The following RBPJ variants were observed in gnomAD, a reference collection of about 807,000 sequenced individuals.
The protein encoded by RBPJ is recombining binding protein suppressor of hairless.
A neutral mutation model predicts 67.8 loss-of-function variants in RBPJ; 9 were observed. That is an observed-to-expected ratio of 0.13 (90% CI 0.08 to 0.23). The LOEUF is 0.23. Ranked by LOEUF, RBPJ falls within the 10% of genes least tolerant of loss-of-function variation. The pLI is 1.00. For synonymous variants in RBPJ, 198 were observed against 203.3 expected, an observed-to-expected ratio of 0.97 and a Z score of 0.22; for missense variants, 305 against 595.6, an observed-to-expected ratio of 0.51 and a Z score of 5.08.
At position 26,379,549 on chromosome 4, in the gene RBPJ, A is replaced by T. The variant is rs115831479; in HGVS notation, c.21-6804A>T. On this transcript the variant is annotated intron_variant, in intron 1 of 10. Transcript: ENST00000355476. ...AAAAGAGCATGTGTGGAGAAGGAACAGTCAAACACATGAAATCATCAGATC... is the reference window on the plus strand; with the variant it reads ...AAAAGAGCATGTGTGGAGAAGGAACTGTCAAACACATGAAATCATCAGATC... Among the ~76,000 whole-genome samples the T allele has an allele frequency of 3.7e-3, 562 of 152,274 alleles. 4 individuals are homozygous for T. The highest frequency in any genetic ancestry group is 0.013 in the African/African-American group (537 of 41,554).
At chr4:26,411,577 CTTT>C (rs11479029) in intron 3 of RBPJ, among the ~76,000 whole-genome samples, 5 of 148,406 alleles carry the variant, frequency 3.4e-5, no homozygotes, top group African/African-American at 7.4e-5. Flanking sequence ...TTAGAGTTGA[CTTT>C]TTTTTTTTTA....
the RBPJ span, among the ~76,000 whole-genome samples, chr4:26,155,436 T>C: frequency 1.7e-4 from 18 of 106,478 alleles, no homozygotes; most frequent in South Asian, 2.5e-4. Context: ...CTCTCTCTCT[T>C]TTTTTTTTTT....
intron 1 of RBPJ, among the ~76,000 whole-genome samples, chr4:26,213,786 G>A (rs1157846528): frequency 6.6e-6 from 1 of 152,056 alleles, no homozygotes; most frequent in Non-Finnish European, 1.5e-5. Context: ...GTGACTTTAT[G>A]GGGAGAGGCC....
At chr4:26,339,739 T>A (rs1250049518) in intron 1 of RBPJ, among the ~76,000 whole-genome samples, 2 of 151,870 alleles carry the variant, frequency 1.3e-5, no homozygotes, top group Non-Finnish European at 2.9e-5. Flanking sequence ...AGAACACTTC[T>A]GGTCAGGCAG....
intron 1 of RBPJ, among the ~76,000 whole-genome samples, chr4:26,260,256 A>G (rs1457650191): frequency 6.6e-6 from 1 of 152,234 alleles, no homozygotes; most frequent in Non-Finnish European, 1.5e-5. Context: ...ATACAAATAC[A>G]TATCTTGTTT....
At chr4:26,338,093 T>G (rs1306113919) in intron 1 of RBPJ, among the ~76,000 whole-genome samples, 1 of 148,392 alleles carries the variant, frequency 6.7e-6, no homozygotes, top group Non-Finnish European at 1.5e-5. Flanking sequence ...TGTTTTTTTG[T>G]TGTTTTTTTT....
At chr4:26,213,039 C>T (rs192591617) in intron 1 of RBPJ, among the ~76,000 whole-genome samples, 8 of 152,220 alleles carry the variant, frequency 5.3e-5, no homozygotes, top group Admixed American at 1.3e-4. Flanking sequence ...GTCTCCTCTT[C>T]GAGCTGCTTA....
intron 1 of RBPJ, among the ~76,000 whole-genome samples, chr4:26,363,001 C>T (rs982354188): frequency 1.3e-5 from 2 of 152,268 alleles, no homozygotes; most frequent in African/African-American, 4.8e-5. Context: ...GTAGCCTGTA[C>T]AGGAAATAGT....
intron 1 of RBPJ, among the ~76,000 whole-genome samples, chr4:26,196,963 C>A (rs914500958): frequency 1.3e-5 from 2 of 152,134 alleles, no homozygotes; most frequent in Non-Finnish European, 2.9e-5. Flanking sequence ...AATTGAGACC[C>A]AAAAGAAGAA....
At chr4:26,333,527 A>G (rs956616047) in intron 1 of RBPJ, among the ~76,000 whole-genome samples, 6 of 151,954 alleles carry the variant, frequency 3.9e-5, no homozygotes, top group Non-Finnish European at 8.8e-5. Flanking sequence ...AAAATTTTGT[A>G]TTTCATTTTT....
At chr4:26,289,162 C>T (rs577185445) in intron 1 of RBPJ, among the ~76,000 whole-genome samples, 2 of 149,982 alleles carry the variant, frequency 1.3e-5, no homozygotes, top group Non-Finnish European at 3.0e-5. Context: ...TTTGGGAGGC[C>T]GAGGTGGACA....
At chr4:26,345,030 C>G (rs13133397) in intron 1 of RBPJ, among the ~76,000 whole-genome samples, 75,714 of 152,068 alleles carry the variant, frequency 0.5, 20,076 homozygotes, top group Admixed American at 0.62. Context: ...TACAAAAGAG[C>G]TTAAACTTTG....
intron 1 of RBPJ, among the ~76,000 whole-genome samples, chr4:26,376,022 G>A (rs1248631298): frequency 6.6e-6 from 1 of 152,194 alleles, no homozygotes; most frequent in Middle Eastern, 3.4e-3. Context: ...GGAGCCACCT[G>A]ACCTGGCACT....
chr4:26,119,618 G>A, the RBPJ span, among the ~76,000 whole-genome samples: 19 of 152,022 alleles, frequency 1.2e-4, no homozygotes, highest in South Asian at 1.9e-3. Context: ...CCATCCTTCC[G>A]TGTTCAATTT....
intron 1 of RBPJ, among the ~76,000 whole-genome samples, chr4:26,371,096 A>T (rs887287708): frequency 6.6e-6 from 1 of 151,954 alleles, no homozygotes; most frequent in Non-Finnish European, 1.5e-5. Flanking sequence ...AAAAAAAAAA[A>T]TTGAAAAGTT....
chr4:26,132,661 C>T, the RBPJ span, among the ~76,000 whole-genome samples: 3 of 152,222 alleles, frequency 2.0e-5, no homozygotes, highest in Admixed American at 6.5e-5. Context: ...TGGCCATAGC[C>T]TCAGAGGACT....
intron 2 of RBPJ, among the ~76,000 whole-genome samples, chr4:26,387,052 A>G (rs1730987396): frequency 6.6e-6 from 1 of 152,020 alleles, no homozygotes; most frequent in South Asian, 2.1e-4. Flanking sequence ...CATAAACTCA[A>G]CTGAGATCAC....
At chr4:26,319,132 GCTGT>G (rs754426676), upstream of RBPJ, among the ~76,000 whole-genome samples, 5 of 152,132 alleles carry the variant, frequency 3.3e-5, no homozygotes, top group East Asian at 1.9e-4. Context: ...GACTCTGGAG[GCTGT>G]CTGTCAGCTC....
rs1736360743 is a variant in RBPJ, at chr4:26,432,914, C to T, written c.*1907C>T. On this transcript the variant is annotated 3_prime_UTR_variant, in exon 11 of 11. Coordinates refer to ENST00000355476, the MANE Select transcript of RBPJ (RefSeq NM_015874.6). Reference sequence around the variant, plus strand: ...CCAGCTTTGCTGTCTTCATCACTCACTCTATGCTCAGACTATGCCACTGTA... The same window carrying T: ...CCAGCTTTGCTGTCTTCATCACTCATTCTATGCTCAGACTATGCCACTGTA... 2.6e-5 allele frequency: 4 copies of T among 152,164 alleles called. No individual in the cohort carries two copies. In the South Asian group the frequency reaches 8.3e-4, roughly 32 times the overall value. The allele number at this position is 152,164 out of a possible 1,614,324, so 9.4% of individuals were successfully genotyped here.
Sources: gnomAD v4.1 joint callset for allele counts (sites outside exome capture counted in the v4.1 genomes callset) on GRCh38, gnomAD v4.1.1 for gene constraint, MANE v1.5 for transcripts, NCBI Gene and HGNC (gene_info 2026-07-23, HGNC 2026-07-21) for gene names.